PRKAR1B: variants seen among roughly 807,000 people sequenced by gnomAD.
PRKAR1B encodes cAMP-dependent protein kinase type I-beta regulatory subunit.
PRKAR1B carries 22 observed loss-of-function variants against 46.5 expected under a neutral mutation model. That is an observed-to-expected ratio of 0.47 (90% confidence interval 0.34 to 0.68). The LOEUF (loss-of-function observed/expected upper bound fraction) is 0.68, where lower values mean the gene tolerates loss of function less well. Ranked by LOEUF, PRKAR1B falls within the 30% of genes least tolerant of loss-of-function variation. The probability of loss-of-function intolerance (pLI) is 0.01; values close to 1 mark genes in which losing one functional copy is unlikely to be tolerated. For synonymous variants in PRKAR1B, 259 were observed against 217.7 expected (o/e 1.19, Z -1.67); for missense variants, 445 against 535.6 (o/e 0.83, Z 1.67).
chr7:572,266 C>T (rs201011784), intron 9 of PRKAR1B, among the ~76,000 whole-genome samples: 5 of 152,188 alleles, frequency 3.3e-5, no homozygotes, highest in Non-Finnish European at 4.4e-5. Flanking sequence ...GAGGAGTGAC[C>T]GCTCCAGTCT....
chr7:611,769 A>AATGGATGGATGGATGGATGGATGG (rs66758527), intron 4 of PRKAR1B, among the ~76,000 whole-genome samples: 5 of 149,954 alleles, frequency 3.3e-5, no homozygotes, highest in African/African-American at 1.2e-4. Flanking sequence ...TAGACGAATG[A>AATGGATGGATGGATGGATGGATGG]ATGGATGGAT....
At chr7:585,074 C>T (rs1025902154) in intron 7 of PRKAR1B, among the ~76,000 whole-genome samples, 1 of 152,210 alleles carries the variant, frequency 6.6e-6, no homozygotes, top group African/African-American at 2.4e-5. Context: ...TTCCCTCAAC[C>T]CTGGGAAAAG....
chr7:581,544 G>C (rs1163180330), intron 8 of PRKAR1B, among the ~76,000 whole-genome samples: 1 of 152,194 alleles, frequency 6.6e-6, no homozygotes, highest in African/African-American at 2.4e-5. Context: ...TCTCATTTCA[G>C]AAGTCAGCTG....
chr7:660,967 T>A (rs1785510329), intron 4 of PRKAR1B, among the ~76,000 whole-genome samples: 2 of 89,292 alleles, frequency 2.2e-5, no homozygotes, highest in South Asian at 4.9e-4. Flanking sequence ...TTCCCCTCCA[T>A]GGCACAGGTC....
At chr7:694,713 T>A (rs1779630224) in intron 2 of PRKAR1B, among the ~76,000 whole-genome samples, 1 of 151,984 alleles carries the variant, frequency 6.6e-6, no homozygotes, top group African/African-American at 2.4e-5. Context: ...TGCCCCCATC[T>A]CAGAGACACA....
chr7:624,383 G>A (rs111406244), intron 4 of PRKAR1B, among the ~76,000 whole-genome samples: 9,498 of 152,140 alleles, frequency 0.062, 332 homozygotes, highest in Middle Eastern at 0.1. Flanking sequence ...CATTGAGTGA[G>A]ATCGTGCCAC....
At chr7:570,374 C>T (rs2128435255) in intron 9 of PRKAR1B, among the ~76,000 whole-genome samples, 1 of 152,286 alleles carries the variant, frequency 6.6e-6, no homozygotes, top group Middle Eastern at 3.4e-3. Flanking sequence ...TCAAGGAGCT[C>T]GGGGGGCCTG....
intron 2 of PRKAR1B, among the ~76,000 whole-genome samples, chr7:683,087 CA>C (rs1427440141): frequency 5.3e-5 from 8 of 152,188 alleles, no homozygotes; most frequent in Non-Finnish European, 1.2e-4. Flanking sequence ...AGGAGGAATT[CA>C]GGGGCAACCA....
intron 2 of PRKAR1B, among the ~76,000 whole-genome samples, chr7:681,789 C>T (rs1366476346): frequency 6.6e-6 from 1 of 152,250 alleles, no homozygotes; most frequent in Non-Finnish European, 1.5e-5. Flanking sequence ...CTCTAAACCT[C>T]ATGCATCCGG....
rs1420414278 is a variant in PRKAR1B, at chr7:667,556, C to T, written c.440+9673G>A. On this transcript the variant is annotated intron_variant, in intron 4 of 10. Transcript: ENST00000537384. The surrounding 1 kb of genome is among the most constrained non-coding windows in gnomAD (Gnocchi z 4.3). ...TCACCCCTGAGCTGTCTCCCTGCAG[C>T]TGCAGTTCACTACAGGACAGTATGG... Among the ~76,000 whole-genome samples, 2 of 152,202 alleles carry T rather than the reference C, an allele frequency of 1.3e-5. No individual in the cohort carries two copies. Among genetic ancestry groups the T allele is most frequent in the African/African-American group, 4.8e-5 (2 of 41,444 alleles).
chr7:677,414 T>G, intron 3 of PRKAR1B, 94 bp from the exon 4 acceptor site: 1 of 1,001,892 alleles, frequency 1.0e-6, no homozygotes. Context: ...AGCCTGCTGT[T>G]ATCAGGCAAT....
intron 1 of PRKAR1B, among the ~76,000 whole-genome samples, chr7:715,954 A>G (rs1179873290): frequency 2.0e-5 from 3 of 152,042 alleles, no homozygotes; most frequent in Non-Finnish European, 4.4e-5. Flanking sequence ...TGACCTCGTG[A>G]TCCGCCCGCC....
intron 4 of PRKAR1B, among the ~76,000 whole-genome samples, chr7:608,990 C>T (rs1173887166): frequency 2.2e-4 from 26 of 117,148 alleles, no homozygotes; most frequent in Non-Finnish European, 3.4e-4. Context: ...GGGGAGGGGT[C>T]AGTGTGTGGC....
At chr7:573,549 C>T (rs560808060) in intron 9 of PRKAR1B, among the ~76,000 whole-genome samples, 8 of 152,176 alleles carry the variant, frequency 5.3e-5, no homozygotes, top group African/African-American at 1.9e-4. Context: ...GTAGAACCTC[C>T]GGGAAGCAGC....
At chr7:610,759 C>T (rs1303183034) in intron 4 of PRKAR1B, among the ~76,000 whole-genome samples, 1 of 152,230 alleles carries the variant, frequency 6.6e-6, no homozygotes, top group African/African-American at 2.4e-5. Flanking sequence ...TTAAAAGGCC[C>T]TGGCCTCTTC....
chr7:604,900 C>A (rs1348313021), intron 6 of PRKAR1B, among the ~76,000 whole-genome samples: 2 of 151,964 alleles, frequency 1.3e-5, no homozygotes, highest in Non-Finnish European at 1.5e-5. Context: ...CATCCCAGAC[C>A]CAGAGAAGAC....
chr7:620,036 T>TA (rs1783033095), intron 4 of PRKAR1B, among the ~76,000 whole-genome samples: 3 of 148,426 alleles, frequency 2.0e-5, no homozygotes, highest in South Asian at 2.1e-4. Context: ...TTTTTTTTTT[T>TA]AGAGATGGGG....
chr7:656,140 G>A (rs938401843), intron 4 of PRKAR1B, among the ~76,000 whole-genome samples: 1 of 152,246 alleles, frequency 6.6e-6, no homozygotes, highest in African/African-American at 2.4e-5. Flanking sequence ...TTTACTGGAT[G>A]GGTGAATGAA....
chr7:691,490 G>C, intron 2 of PRKAR1B: 2 of 1,304,176 alleles, frequency 1.5e-6, no homozygotes, highest in Non-Finnish European at 2.0e-6. Context: ...GCCCCCCAGC[G>C]CACCACAGCC....
Sources: allele counts gnomAD v4.1 joint callset (sites outside exome capture counted in the v4.1 genomes callset), GRCh38; gene constraint gnomAD v4.1.1; non-coding constraint Gnocchi (gnomAD v3.1); transcripts MANE v1.5; gene names NCBI Gene and HGNC (gene_info 2026-07-23, HGNC 2026-07-21).